The following RBM45 variants were observed in gnomAD, a reference collection of about 807,000 sequenced individuals.
RBM45 encodes the protein RNA binding motif protein 45, also known as RNA-binding protein 45.
RBM45 carries 39 observed loss-of-function variants against 58.5 expected under a neutral mutation model. The ratio of observed to expected loss-of-function variants is 0.67; its 90% CI spans 0.52 to 0.87. The LOEUF (loss-of-function observed/expected upper bound fraction) is 0.87, where lower values mean the gene tolerates loss of function less well. RBM45 is among the 40% of genes least tolerant of loss of function. The probability of loss-of-function intolerance (pLI) is 0.00; values close to 1 mark genes in which losing one functional copy is unlikely to be tolerated. For missense variants in RBM45, 481 were observed against 581.6 expected (o/e 0.83, Z 1.78); for synonymous variants, 193 against 203.0 (o/e 0.95, Z 0.42).
chr2:178,116,279 C>G lies in RBM45; in HGVS notation c.318C>G (p.Ser106=). Reference sequence around the variant, plus strand: ...TTTCTTAGGTTTTCATTGCTCAGTCCCGATCATCTGGAAGTCACCGAGATG... The same window carrying G: ...TTTCTTAGGTTTTCATTGCTCAGTCGCGATCATCTGGAAGTCACCGAGATG... ...TKPIKVFIAQ[S]RSSGSHRDVE... The change falls in exon 2 of 10, where the codon TCC becomes TCG. Residue 106 remains serine, a synonymous_variant. Transcript: ENST00000286070. The G allele has an allele frequency of 6.2e-7, 1 of 1,601,636 alleles. No individual in the cohort carries two copies. Among genetic ancestry groups the G allele is most frequent in the Non-Finnish European group, 8.5e-7 (1 of 1,174,908 alleles).
downstream of RBM45, among the ~76,000 whole-genome samples, chr2:178,133,056 A>G (rs1051367467): frequency 2.0e-4 from 31 of 152,200 alleles, no homozygotes; most frequent in African/African-American, 7.2e-4. Flanking sequence ...AAGAGATTTC[A>G]TATGTTGGAC....
At chr2:178,124,797 G>A (rs1477864556) in intron 8 of RBM45, among the ~76,000 whole-genome samples, 1 of 152,208 alleles carries the variant, frequency 6.6e-6, no homozygotes, top group African/African-American at 2.4e-5. Context: ...CTGGGTGACA[G>A]AGTGAGACCC....
chr2:178,125,604 A>T, intron 8 of RBM45: 1 of 421,510 alleles, frequency 2.4e-6, no homozygotes, highest in Non-Finnish European at 4.8e-6. Context: ...GAACGGCTCT[A>T]GAGCTATATT....
chr2:178,124,795 C>CA (rs370505975), intron 8 of RBM45, among the ~76,000 whole-genome samples: 1 of 152,182 alleles, frequency 6.6e-6, no homozygotes, highest in Non-Finnish European at 1.5e-5. Flanking sequence ...GCCTGGGTGA[C>CA]AGAGTGAGAC....
At chr2:178,116,487 T>C (rs1039048757) in intron 2 of RBM45, 103 bp downstream of exon 2, 1 of 905,266 alleles carries the variant, frequency 1.1e-6, no homozygotes, top group African/African-American at 1.7e-5. Context: ...AATAGAGTAG[T>C]CTTGGGGAAT....
At chr2:178,120,951 A>T (rs2087842215) in intron 4 of RBM45, 1 of 353,036 alleles carries the variant, frequency 2.8e-6, no homozygotes, top group African/African-American at 2.1e-5. Context: ...CTTTCTGTGA[A>T]ATTAGACTAT....
intron 2 of RBM45, among the ~76,000 whole-genome samples, chr2:178,117,159 G>A (rs1461932142): frequency 6.6e-6 from 1 of 152,024 alleles, no homozygotes; most frequent in South Asian, 2.1e-4. Flanking sequence ...AAGAAAACAA[G>A]CAGTAAAAAG....
At chr2:178,127,961 C>T (rs942255250) in intron 9 of RBM45, among the ~76,000 whole-genome samples, 3 of 147,012 alleles carry the variant, frequency 2.0e-5, no homozygotes, top group Admixed American at 1.4e-4. Context: ...AAATAAAAAG[C>T]CATTTAACTG....
intron 8 of RBM45, 107 bp downstream of exon 8, chr2:178,124,397 G>A: frequency 3.4e-6 from 2 of 590,324 alleles, no homozygotes; most frequent in Non-Finnish European, 5.3e-6. Flanking sequence ...GAGAGTATTA[G>A]TTCTCTGCTT....
chr2:178,120,542 A>G, intron 4 of RBM45, 133 bp downstream of exon 4: 1 of 743,794 alleles, frequency 1.3e-6, no homozygotes, highest in Non-Finnish European at 2.0e-6. Flanking sequence ...TAGTTTTTTT[A>G]TTCCTAAAAT....
At chr2:178,138,676 G>A (rs2088063789) in exon 4 of RBM45, 1 of 151,962 alleles carries the variant, frequency 6.6e-6, no homozygotes, top group African/African-American at 2.4e-5. Flanking sequence ...AAAGAAGAAG[G>A]AAAGAAAGGC....
At chr2:178,114,436 C>A (rs1259762490) in intron 1 of RBM45, among the ~76,000 whole-genome samples, 1 of 152,148 alleles carries the variant, frequency 6.6e-6, no homozygotes, top group African/African-American at 2.4e-5. Context: ...GGCCCAACAC[C>A]GAAATGTACC....
intron 1 of RBM45, 112 bp from the exon 2 acceptor site, chr2:178,116,150 T>G: frequency 7.6e-7 from 1 of 1,316,934 alleles, no homozygotes; most frequent in Non-Finnish European, 1.0e-6. Flanking sequence ...TTTGAGACCC[T>G]GTCTCAAAGA....
At chr2:178,128,856 T>G (rs1453312437) in intron 9 of RBM45, among the ~76,000 whole-genome samples, 10 of 152,198 alleles carry the variant, frequency 6.6e-5, no homozygotes, top group South Asian at 2.1e-4. Context: ...ACATATTACC[T>G]TATTTTAAGT....
downstream of RBM45, among the ~76,000 whole-genome samples, chr2:178,131,502 C>T (rs529756370): frequency 2.0e-5 from 3 of 152,172 alleles, no homozygotes; most frequent in East Asian, 5.8e-4. Flanking sequence ...TATACCTGGC[C>T]AGCCCTCCAC....
intron 8 of RBM45, chr2:178,125,762 T>C: frequency 2.9e-6 from 2 of 679,148 alleles, no homozygotes; most frequent in Non-Finnish European, 5.5e-6. Context: ...GTAAGGAAAC[T>C]AGTGAAAAAG....
At chr2:178,126,915 G>C (rs1469268928) in intron 9 of RBM45, among the ~76,000 whole-genome samples, 1 of 151,942 alleles carries the variant, frequency 6.6e-6, no homozygotes, top group African/African-American at 2.4e-5. Flanking sequence ...TATCTGTGTG[G>C]TTTGGGGAAA....
At chr2:178,138,905 G>A (rs1252444335) in exon 4 of RBM45, 1 of 151,826 alleles carries the variant, frequency 6.6e-6, no homozygotes, top group Admixed American at 6.6e-5. Flanking sequence ...CTTCTCTTTT[G>A]TAAAGAAATA....
At position 178,120,410 on chromosome 2, in the gene RBM45, G is replaced by C; in HGVS notation, c.673+1G>C. Reference sequence around the variant, plus strand: ...CCTAGAGTAAATATGTTTCCATTTGGTAAGTAGGCAACCTTTACTTTTAAT... The same window carrying C: ...CCTAGAGTAAATATGTTTCCATTTGCTAAGTAGGCAACCTTTACTTTTAAT... On this transcript the variant is annotated splice_donor_variant, in intron 4 of 9. Coordinates refer to ENST00000286070, the MANE Select transcript of RBM45 (RefSeq NM_152945.4). LOFTEE classifies it high-confidence loss of function. The C allele has an allele frequency of 1.2e-6, 2 of 1,607,900 alleles. No homozygotes were observed. Among genetic ancestry groups the C allele is most frequent in the Non-Finnish European group, 1.7e-6 (2 of 1,178,258 alleles).
Sources: allele counts gnomAD v4.1 joint callset (sites outside exome capture counted in the v4.1 genomes callset), GRCh38; gene constraint gnomAD v4.1.1; transcripts MANE v1.5; gene names NCBI Gene and HGNC (gene_info 2026-07-23, HGNC 2026-07-21).